MOB3A: variants seen among roughly 807,000 people sequenced by gnomAD.
MOB3A encodes the protein MOB LAK.
In MOB3A, 17 loss-of-function variants were observed where a neutral mutation model predicts 17.8. The observed-to-expected ratio is 0.95, with a 90% CI of 0.65 to 1.43. The LOEUF is 1.43. MOB3A is among the 40% of genes most tolerant of loss of function. The probability of loss-of-function intolerance (pLI) is 0.00; values close to 1 mark genes in which losing one functional copy is unlikely to be tolerated. For synonymous variants in MOB3A, 124 were observed against 133.2 expected, an observed-to-expected ratio of 0.93 and a Z score of 0.48; for missense variants, 333 against 310.8, an observed-to-expected ratio of 1.07 and a Z score of -0.54.
Position 2,088,097 on chromosome 19 carries a change from C to G in MOB3A, c.-273-2769G>C, listed in dbSNP as rs532355878. On this transcript the variant is annotated intron_variant, in intron 1 of 4. Transcript: ENST00000357066. ...CGATTCTGCACCCCGGGGACTCATA[C>G]TGGGTGATGTCTGGGGGCATTTGTG... Among the ~76,000 whole-genome samples, 20 of 152,296 alleles carry G rather than the reference C, an allele frequency of 1.3e-4. No homozygotes were observed. The South Asian group carries it at 3.3e-3, about 25-fold the overall frequency.
intron 1 of MOB3A, among the ~76,000 whole-genome samples, chr19:2,088,226 G>A (rs2017575253): frequency 6.6e-6 from 1 of 152,224 alleles, no homozygotes; most frequent in Non-Finnish European, 1.5e-5. Context: ...AGACTAATCA[G>A]CCTTGAATGT....
intron 3 of MOB3A, 118 bp downstream of exon 3, chr19:2,078,022 C>G (rs375762565): frequency 9.3e-7 from 1 of 1,075,398 alleles, no homozygotes; most frequent in Admixed American, 3.1e-5. Context: ...TGGGCTCAAG[C>G]GATCCCTGGG....
intron 1 of MOB3A, among the ~76,000 whole-genome samples, chr19:2,087,174 C>T (rs2017563366): frequency 6.6e-6 from 1 of 152,230 alleles, no homozygotes; most frequent in Admixed American, 6.5e-5. Flanking sequence ...CTATCGAGGG[C>T]TTAGCATACT....
intron 3 of MOB3A, among the ~76,000 whole-genome samples, chr19:2,077,908 C>T (rs961678132): frequency 5.3e-5 from 8 of 151,972 alleles, no homozygotes; most frequent in Non-Finnish European, 8.8e-5. Context: ...CTTAGCCTCC[C>T]GAGTAGCTGC....
chr19:2,076,047 C>T (rs928698473), intron 4 of MOB3A, among the ~76,000 whole-genome samples: 10 of 144,922 alleles, frequency 6.9e-5, no homozygotes, highest in African/African-American at 1.8e-4. Flanking sequence ...TGCTTGAACC[C>T]GGAAGGTGGG....
intron 2 of MOB3A, among the ~76,000 whole-genome samples, chr19:2,084,427 G>A (rs1040945279): frequency 1.3e-5 from 2 of 151,558 alleles, no homozygotes; most frequent in Admixed American, 6.6e-5. Context: ...CCAGGGAGGC[G>A]GAGGCTACAG....
In MOB3A at chr19:2,071,759, T is replaced by A. The variant is rs1236469679; in HGVS notation, c.*1636A>T. On this transcript the variant is annotated 3_prime_UTR_variant, in exon 5 of 5. Coordinates refer to ENST00000357066, the MANE Select transcript of MOB3A (RefSeq NM_130807.3). Reference sequence around the variant, plus strand: ...GTTTGCAGCATCTGGGAAAGGCCAATTCTGGCAGAACTGGAAGATTCCAGA... The same window carrying A: ...GTTTGCAGCATCTGGGAAAGGCCAAATCTGGCAGAACTGGAAGATTCCAGA... 6.5e-6 allele frequency: 1 copy of A among 152,976 alleles called. No homozygotes were observed. Among genetic ancestry groups the A allele is most frequent in the East Asian group, 1.9e-4 (1 of 5,282 alleles). The allele number at this position is 152,976 out of a possible 1,614,324, so 9.5% of individuals were successfully genotyped here. A position where few individuals can be genotyped will look rare whatever the true frequency, so the allele number is the denominator to read the frequency against.
chr19:2,078,641 C>A lies in MOB3A; in HGVS notation c.-81G>T. On this transcript the variant is annotated 5_prime_UTR_variant, in exon 3 of 5. Coordinates refer to ENST00000357066, the MANE Select transcript of MOB3A (RefSeq NM_130807.3). ...GGGGGTGCTGACCAACCCGAGAGGC[C>A]ACGAAACACTCACCAAGCCCCACAG... The A allele has an allele frequency of 3.6e-6, 5 of 1,379,590 alleles. No homozygotes were observed. Among genetic ancestry groups the A allele is most frequent in the Non-Finnish European group, 4.9e-6 (5 of 1,020,732 alleles). 85.5% of individuals were successfully genotyped at this position (1,379,590 alleles called of 1,614,324 possible). A position where few individuals can be genotyped will look rare whatever the true frequency, so the allele number is the denominator to read the frequency against.
At chr19:2,089,952 C>T (rs947266430) in intron 1 of MOB3A, 6 of 149,150 alleles carry the variant, frequency 4.0e-5, no homozygotes, top group African/African-American at 9.8e-5. Context: ...CCGCACTGCC[C>T]CGTATTTCCA....
chr19:2,083,890 G>A (rs1483646993), intron 2 of MOB3A, among the ~76,000 whole-genome samples: 1 of 152,146 alleles, frequency 6.6e-6, no homozygotes, highest in Non-Finnish European at 1.5e-5. Flanking sequence ...CCCTACCTGG[G>A]CTGAGCCTCA....
In MOB3A at chr19:2,073,333, G is replaced by A. The variant is rs887656907; in HGVS notation, c.*62C>T. 4.6e-5 allele frequency: 74 copies of A among 1,592,550 alleles called. 1 individual carries two copies. Among genetic ancestry groups the A allele is most frequent in the Middle Eastern group, 1.7e-4 (1 of 5,970 alleles). The stretch of plus-strand genomic sequence containing the variant: ...AGAAGCGGGATGATGGTTCCAGAGC[G>A]TCCTCCTCCAAGTCTCCGAGGCCCC... On this transcript the variant is annotated 3_prime_UTR_variant, in exon 5 of 5. Transcript: ENST00000357066.
chr19:2,079,621 C>G (rs776820978), intron 2 of MOB3A, among the ~76,000 whole-genome samples: 17 of 152,224 alleles, frequency 1.1e-4, no homozygotes, highest in Non-Finnish European at 2.2e-4. Context: ...CCGCCCACAC[C>G]TTCGTCTCAG....
chr19:2,078,081 G>C, intron 3 of MOB3A, 59 bp downstream of exon 3: 3 of 1,476,226 alleles, frequency 2.0e-6, no homozygotes, highest in Non-Finnish European at 2.7e-6. Context: ...ACTGTGCTCG[G>C]CCTCCCTGAC....
intron 4 of MOB3A, among the ~76,000 whole-genome samples, chr19:2,076,125 A>G (rs999974003): frequency 2.5e-5 from 3 of 121,476 alleles, no homozygotes; most frequent in Non-Finnish European, 5.8e-5. Flanking sequence ...TCCATCTCCA[A>G]AAAAAAAAAA....
intron 2 of MOB3A, among the ~76,000 whole-genome samples, chr19:2,084,533 A>G (rs1289593496): frequency 6.6e-6 from 1 of 152,028 alleles, no homozygotes; most frequent in Non-Finnish European, 1.5e-5. Flanking sequence ...GGAAGTTAAC[A>G]TCTTCTGAAG....
At chr19:2,077,121 T>C (rs915468302) in intron 3 of MOB3A, 108 bp from the exon 4 acceptor site, 30 of 971,674 alleles carry the variant, frequency 3.1e-5, no homozygotes, top group Non-Finnish European at 4.5e-5. Flanking sequence ...TGCTGGCAGA[T>C]CGGGCGCGGT....
chr19:2,081,082 C>T (rs1049563965), intron 2 of MOB3A, among the ~76,000 whole-genome samples: 48 of 151,840 alleles, frequency 3.2e-4, no homozygotes, highest in African/African-American at 9.2e-4. Context: ...CAGTGAGCCT[C>T]GAACCCCAGC....
rs939436083 is a variant in MOB3A, at chr19:2,076,973, C to A, written c.462G>T (p.Lys154Asn). ...FPKNFLQTVRKILSRLFRVFV... is the reference protein window; with the variant it reads ...FPKNFLQTVRNILSRLFRVFV... ...ACACGCGGAACAGCCGCGACAGGAT[C>A]TTCCGCACCGTCTGCAGGAAGTTCT... Residue 154 changes from lysine (K) to asparagine (N), a missense_variant, in exon 4 of 5, where the codon AAG (lysine) becomes AAT (asparagine). Transcript: ENST00000357066. The A allele has an allele frequency of 1.2e-6, 2 of 1,613,884 alleles. No homozygotes were observed. The highest frequency in any genetic ancestry group is 1.7e-6 in the Non-Finnish European group (2 of 1,180,020).
intron 1 of MOB3A, among the ~76,000 whole-genome samples, chr19:2,095,602 C>G (rs2017675428): frequency 6.6e-6 from 1 of 152,236 alleles, no homozygotes; most frequent in Non-Finnish European, 1.5e-5. Context: ...CGACCCCGCA[C>G]CCTGTATCCC....
Sources: allele counts gnomAD v4.1 joint callset (sites outside exome capture counted in the v4.1 genomes callset), GRCh38; gene constraint gnomAD v4.1.1; transcripts MANE v1.5; gene names NCBI Gene and HGNC (gene_info 2026-07-23, HGNC 2026-07-21).